The following ROS1 variants were observed in gnomAD, a reference collection of about 807,000 sequenced individuals.
ROS1 encodes the protein proto-oncogene tyrosine-protein kinase ROS.
In ROS1, 263 loss-of-function variants were observed where a neutral mutation model predicts 273.5. The ratio of observed to expected loss-of-function variants is 0.96; its 90% CI spans 0.87 to 1.06. The LOEUF is 1.06. Ranked by LOEUF, ROS1 falls within the 50% of genes least tolerant of loss-of-function variation. ROS1 has a pLI of 0.00. For synonymous variants in ROS1, 1,008 were observed against 954.1 expected, an observed-to-expected ratio of 1.06 and a Z score of -1.04; for missense variants, 2,833 against 2,751.1, an observed-to-expected ratio of 1.03 and a Z score of -0.67.
At chr6:117,321,657 T>C (rs977141850) in intron 35 of ROS1, among the ~76,000 whole-genome samples, 4 of 152,094 alleles carry the variant, frequency 2.6e-5, no homozygotes, top group Non-Finnish European at 5.9e-5. Context: ...ACTGTTGTTA[T>C]AAACAAATTA....
chr6:117,334,329 C>T (rs1435629549), intron 32 of ROS1, among the ~76,000 whole-genome samples: 1 of 152,118 alleles, frequency 6.6e-6, no homozygotes, highest in Non-Finnish European at 1.5e-5. Context: ...CAAACCATTG[C>T]TCAAGGAAAT....
intron 22 of ROS1, among the ~76,000 whole-genome samples, chr6:117,361,259 T>A (rs1779777239): frequency 1.3e-5 from 2 of 151,982 alleles, no homozygotes; most frequent in Admixed American, 1.3e-4. Context: ...CTTGCATATG[T>A]ACAGTAGCCT....
chr6:117,312,949 A>G (rs77802448), intron 39 of ROS1, among the ~76,000 whole-genome samples: 3 of 152,096 alleles, frequency 2.0e-5, no homozygotes, highest in Non-Finnish European at 2.9e-5. Flanking sequence ...AAGCCCTCTC[A>G]GGTTTCCTCA....
intron 26 of ROS1, among the ~76,000 whole-genome samples, chr6:117,355,241 T>A (rs1368748553): frequency 6.6e-6 from 1 of 152,104 alleles, no homozygotes; most frequent in African/African-American, 2.4e-5. Context: ...TTGTCACAGG[T>A]TTAACAGAAA....
intron 18 of ROS1, among the ~76,000 whole-genome samples, chr6:117,372,923 A>G (rs1780951750): frequency 6.6e-6 from 1 of 152,060 alleles, no homozygotes; most frequent in African/African-American, 2.4e-5. Flanking sequence ...TGATTGGCCC[A>G]TTTTACAGAG....
chr6:117,378,942 C>T (rs1471458340), intron 18 of ROS1, 117 bp downstream of exon 18: 1 of 652,568 alleles, frequency 1.5e-6, no homozygotes, highest in Admixed American at 2.8e-5. Context: ...CCAATGCCTG[C>T]AACACAGTGG....
At chr6:117,337,464 A>C in intron 31 of ROS1, 124 bp from the exon 32 acceptor site, 1 of 709,008 alleles carries the variant, frequency 1.4e-6, no homozygotes, top group East Asian at 2.8e-5. Context: ...AAGAATAAGA[A>C]CTTCTTTATG....
At chr6:117,414,645 A>G in intron 3 of ROS1, 100 bp from the exon 4 acceptor site, 1 of 589,640 alleles carries the variant, frequency 1.7e-6, no homozygotes, top group African/African-American at 2.0e-5. Flanking sequence ...TTATTGCCCC[A>G]CCATTGATAA....
At chr6:117,422,449 A>G (rs1775827200) in intron 1 of ROS1, among the ~76,000 whole-genome samples, 1 of 152,148 alleles carries the variant, frequency 6.6e-6, no homozygotes, top group Non-Finnish European at 1.5e-5. Context: ...CTTTATGTAC[A>G]TGGTTTTATT....
At chr6:117,365,504 C>T in intron 20 of ROS1, 77 bp downstream of exon 20, 1 of 1,224,984 alleles carries the variant, frequency 8.2e-7, no homozygotes, top group African/African-American at 1.5e-5. Flanking sequence ...CAAGATGATA[C>T]AGGTCAGTGT....
intron 43 of ROS1, among the ~76,000 whole-genome samples, chr6:117,294,477 T>C (rs1774068318): frequency 6.6e-6 from 1 of 152,194 alleles, no homozygotes; most frequent in Non-Finnish European, 1.5e-5. Context: ...TTGATCATAG[T>C]ATACTATCTT....
intron 22 of ROS1, among the ~76,000 whole-genome samples, chr6:117,361,704 AGAC>A (rs1017740611): frequency 6.6e-6 from 1 of 151,720 alleles, no homozygotes; most frequent in African/African-American, 2.4e-5. Flanking sequence ...TAGTATATGT[AGAC>A]AACAAATTAT....
chr6:117,369,456 C>T (rs1023799962), intron 18 of ROS1, among the ~76,000 whole-genome samples: 4 of 152,074 alleles, frequency 2.6e-5, no homozygotes, highest in African/African-American at 9.7e-5. Flanking sequence ...CGCCTGTAGT[C>T]CCAGCTACTC....
At chr6:117,416,545 G>T (rs9489154) in intron 2 of ROS1, among the ~76,000 whole-genome samples, 19,002 of 152,118 alleles carry the variant, frequency 0.12, 1,300 homozygotes, top group African/African-American at 0.16. Flanking sequence ...CAGCAGAGTT[G>T]CTGAGTGGAG....
intron 39 of ROS1, among the ~76,000 whole-genome samples, chr6:117,312,171 T>G (rs1775595112): frequency 6.6e-6 from 1 of 152,092 alleles, no homozygotes; most frequent in Non-Finnish European, 1.5e-5. Flanking sequence ...TTTCTCAGCC[T>G]CTCTTCTTTA....
intron 43 of ROS1, among the ~76,000 whole-genome samples, chr6:117,291,492 G>C (rs947883897): frequency 6.6e-6 from 1 of 152,140 alleles, no homozygotes; most frequent in Non-Finnish European, 1.5e-5. Flanking sequence ...AACATAACTG[G>C]GGATATTGTT....
At chr6:117,296,138 C>G (rs1418655077) in intron 43 of ROS1, among the ~76,000 whole-genome samples, 1 of 152,184 alleles carries the variant, frequency 6.6e-6, no homozygotes, top group East Asian at 1.9e-4. Flanking sequence ...TTGCTCACGC[C>G]TGTAATCCCA....
intron 5 of ROS1, among the ~76,000 whole-genome samples, chr6:117,405,681 A>G (rs1774340592): frequency 6.6e-6 from 1 of 152,182 alleles, no homozygotes; most frequent in African/African-American, 2.4e-5. Context: ...AAAAAAAGGT[A>G]AAGTAGGTTT....
At position 117,425,843 on chromosome 6, in the gene ROS1, G is replaced by A. The variant is rs568804917; in HGVS notation, c.-187C>T. 5.6e-5 allele frequency: 30 copies of A among 540,302 alleles called. No individual in the cohort carries two copies. In the East Asian group the frequency reaches 9.5e-4, roughly 17 times the overall value. 33.5% of individuals were successfully genotyped at this position (540,302 alleles called of 1,614,324 possible). On this transcript the variant is annotated 5_prime_UTR_variant, in exon 1 of 44. Coordinates refer to ENST00000368507, the MANE Select transcript of ROS1 (RefSeq NM_001378902.1). ...GCCTTTTTCATTTAGACCTTTGAATGCTTGAAAGCTTGTAACAGTTCCATA... is the reference window on the plus strand; with the variant it reads ...GCCTTTTTCATTTAGACCTTTGAATACTTGAAAGCTTGTAACAGTTCCATA...
Sources: gnomAD v4.1 joint callset for allele counts (sites outside exome capture counted in the v4.1 genomes callset) on GRCh38, gnomAD v4.1.1 for gene constraint, MANE v1.5 for transcripts, NCBI Gene and HGNC (gene_info 2026-07-23, HGNC 2026-07-21) for gene names.